BAIAP2: variants seen among roughly 807,000 people sequenced by gnomAD.
BAIAP2 encodes the protein BAR/IMD domain-containing adapter protein 2.
A neutral mutation model predicts 63.0 loss-of-function variants in BAIAP2; 18 were observed. The observed-to-expected ratio is 0.29, with a 90% CI of 0.20 to 0.42. BAIAP2 has a LOEUF of 0.42. Ranked by LOEUF, BAIAP2 falls within the 10% of genes least tolerant of loss-of-function variation. BAIAP2 has a pLI of 1.00. For missense variants in BAIAP2, 610 were observed against 734.3 expected, an observed-to-expected ratio of 0.83 and a Z score of 1.96; for synonymous variants, 386 against 307.6, an observed-to-expected ratio of 1.25 and a Z score of -2.67.
At chr17:81,108,977 C>T in intron 13 of BAIAP2, 1 of 1,548,786 alleles carries the variant, frequency 6.5e-7, no homozygotes, top group Non-Finnish European at 8.7e-7. Flanking sequence ...GTGGCAGCGG[C>T]ACGCTGGTGT....
intron 1 of BAIAP2, among the ~76,000 whole-genome samples, chr17:81,039,034 C>T (rs1424835436): frequency 3.3e-5 from 5 of 152,256 alleles, no homozygotes; most frequent in African/African-American, 1.2e-4. Flanking sequence ...AAGGATACTT[C>T]CTGGGGTGGC....
chr17:81,099,860 T>C, intron 6 of BAIAP2, 68 bp from the exon 7 acceptor site: 1 of 1,559,920 alleles, frequency 6.4e-7, no homozygotes, highest in Non-Finnish European at 8.7e-7. Context: ...TCCGTGGGGC[T>C]GCCCCAAACC....
intron 2 of BAIAP2, among the ~76,000 whole-genome samples, chr17:81,054,769 C>T (rs543389915): frequency 2.7e-4 from 40 of 150,560 alleles, no homozygotes; most frequent in Non-Finnish European, 5.1e-4. Context: ...CTTCCCATCG[C>T]CCCCACCCCA....
intron 6 of BAIAP2, among the ~76,000 whole-genome samples, chr17:81,093,215 G>GCACTGAGGGT (rs2057087984): frequency 6.6e-6 from 1 of 152,116 alleles, no homozygotes; most frequent in African/African-American, 2.4e-5. Context: ...CACTGAGGGT[G>GCACTGAGGGT]GGGCAGCCGG....
Position 81,038,843 on chromosome 17 carries a change from TCTGACAGGCACCTCCTG to T in BAIAP2, c.54+3553_54+3569del, listed in dbSNP as rs761475178. ...CATTTGGAGACGGTGGGGGGTGGTCTCTGACAGGCACCTCCTGCTGACAGGCACCTCCTGGCATTGGA... is the reference window on the plus strand; with the variant it reads ...CATTTGGAGACGGTGGGGGGTGGTCTCTGACAGGCACCTCCTGGCATTGGA... On this transcript the variant is annotated intron_variant, in intron 1 of 13. Transcript: ENST00000428708. 2.0e-3 allele frequency among the ~76,000 whole-genome samples: 304 copies of T among 152,188 alleles called. 2 individuals are homozygous for T. Among genetic ancestry groups the T allele is most frequent in the Non-Finnish European group, 3.4e-3 (234 of 68,008 alleles).
intron 3 of BAIAP2, chr17:81,076,243 C>G (rs529134884): frequency 1.3e-5 from 2 of 152,240 alleles, no homozygotes; most frequent in South Asian, 4.1e-4. Flanking sequence ...CTCATTCTTG[C>G]TTTATCTTCC....
chr17:81,053,776 G>A, intron 2 of BAIAP2, 33 bp downstream of exon 2: 8 of 1,606,988 alleles, frequency 5.0e-6, no homozygotes, highest in Non-Finnish European at 6.0e-6. Context: ...TGGGGTGGGA[G>A]CTGCCTCCTG....
Position 81,106,146 on chromosome 17 carries a change from G to A in BAIAP2, c.1337G>A (p.Ser446Asn). Residue 446 changes from serine (S) to asparagine (N), a missense_variant and splice_region_variant, in exon 11 of 14, where the codon AGC (serine) becomes AAC (asparagine). This residue lies in a region of BAIAP2 where 29 missense variants were observed against 23.2 expected (regional missense o/e 1.25). Coordinates refer to ENST00000428708, the MANE Select transcript of BAIAP2 (RefSeq NM_001144888.2). ...GATGGCAGTGACAGGCTGCACATGA[G>A]GTGAGCTCTGGGCCCAACGGGAGTG... ...DSDGSDRLHM[S>N]LQQGKSSSTG... 1.3e-6 allele frequency: 2 copies of A among 1,577,498 alleles called. No homozygotes were observed. The highest frequency in any genetic ancestry group is 1.7e-6 in the Non-Finnish European group (2 of 1,161,454).
Position 81,115,725 on chromosome 17 carries a change from C to T in BAIAP2, c.1536-45C>T, listed in dbSNP as rs372399585. 14 of 1,611,742 alleles carry T rather than the reference C, an allele frequency of 8.7e-6. No individual in the cohort carries two copies. In the African/African-American group the frequency reaches 1.3e-4, roughly 15 times the overall value. On this transcript the variant is annotated intron_variant, in intron 13 of 13. Coordinates refer to ENST00000428708, the MANE Select transcript of BAIAP2 (RefSeq NM_001144888.2). Reference sequence around the variant, plus strand: ...GGCAGCCCAGGTGGCACAATTCACCCATGGCTTCCGCCCTAAAAATTAAAA... The same window carrying T: ...GGCAGCCCAGGTGGCACAATTCACCTATGGCTTCCGCCCTAAAAATTAAAA...
chr17:81,064,712 T>G (rs1402870844), intron 3 of BAIAP2, among the ~76,000 whole-genome samples: 1 of 152,144 alleles, frequency 6.6e-6, no homozygotes, highest in Non-Finnish European at 1.5e-5. Context: ...TCTGTACCTG[T>G]GGCTCTGGCC....
In BAIAP2 at chr17:81,099,930, C is replaced by T. The variant is rs577768853; in HGVS notation, c.492C>T (p.Tyr164=). The T allele has an allele frequency of 8.9e-5, 143 of 1,613,082 alleles. 1 individual carries two copies. The Middle Eastern group carries it at 9.9e-4, about 11-fold the overall frequency. ...PQKYSDKELQ[Y]IDAISNKQGE... is the part of the protein sequence containing the mutation. ...CCTTTCTCCCTTTCCCTCCACAGTACATCGACGCCATCAGCAACAAGCAGG... is the reference window on the plus strand; with the variant it reads ...CCTTTCTCCCTTTCCCTCCACAGTATATCGACGCCATCAGCAACAAGCAGG... Residue 164 remains tyrosine, a splice_region_variant and synonymous_variant, in exon 7 of 14, where the codon TAC becomes TAT. Coordinates refer to ENST00000428708, the MANE Select transcript of BAIAP2 (RefSeq NM_001144888.2).
At chr17:81,080,805 C>G (rs1229727002) in intron 3 of BAIAP2, among the ~76,000 whole-genome samples, 2 of 152,114 alleles carry the variant, frequency 1.3e-5, no homozygotes, top group Admixed American at 6.5e-5. Flanking sequence ...TCACAGAAAC[C>G]TAGGAGTTGG....
chr17:81,037,790 A>G (rs2046488140), intron 1 of BAIAP2, among the ~76,000 whole-genome samples: 1 of 152,246 alleles, frequency 6.6e-6, no homozygotes, highest in South Asian at 2.1e-4. Flanking sequence ...GCATCGCCTT[A>G]ACTGCAGTTC....
At chr17:81,111,012 C>G in intron 13 of BAIAP2, 4 of 1,606,606 alleles carry the variant, frequency 2.5e-6, no homozygotes, top group Non-Finnish European at 3.4e-6. Flanking sequence ...TGGTTCTCCA[C>G]GGGCCCTCTG....
intron 13 of BAIAP2, among the ~76,000 whole-genome samples, chr17:81,113,534 G>A (rs1598865076): frequency 6.6e-6 from 1 of 152,178 alleles, no homozygotes; most frequent in South Asian, 2.1e-4. Flanking sequence ...GGCCAGGGTG[G>A]GGAAATAGGG....
intron 6 of BAIAP2, among the ~76,000 whole-genome samples, chr17:81,088,337 T>C (rs1286225420): frequency 1.3e-5 from 2 of 152,226 alleles, no homozygotes; most frequent in East Asian, 3.9e-4. Flanking sequence ...GTCCAGGAGC[T>C]TGAGCTCCCT....
chr17:81,049,481 G>A (rs2048332620), intron 1 of BAIAP2, among the ~76,000 whole-genome samples: 1 of 152,128 alleles, frequency 6.6e-6, no homozygotes, highest in African/African-American at 2.4e-5. Context: ...TGCACCTCTT[G>A]GTGTTGATAA....
chr17:81,059,012 A>G (rs566250837), intron 3 of BAIAP2, among the ~76,000 whole-genome samples: 37 of 151,860 alleles, frequency 2.4e-4, no homozygotes, highest in African/African-American at 8.9e-4. Context: ...GACCCCAGGA[A>G]CCCAGCTTTG....
chr17:81,097,952 C>T (rs1421952012), intron 6 of BAIAP2, among the ~76,000 whole-genome samples: 2 of 152,230 alleles, frequency 1.3e-5, no homozygotes, highest in Non-Finnish European at 2.9e-5. Context: ...TCCAGGGTCC[C>T]AGTCGAGCCC....
Sources: gnomAD v4.1 joint callset for allele counts (sites outside exome capture counted in the v4.1 genomes callset) on GRCh38, gnomAD v4.1.1 for gene constraint, gnomAD v4.1.1 regional missense constraint, MANE v1.5 for transcripts, NCBI Gene and HGNC (gene_info 2026-07-23, HGNC 2026-07-21) for gene names.